STXBP5: variants seen among roughly 807,000 people sequenced by gnomAD.
The protein encoded by STXBP5 is syntaxin-binding protein 5.
STXBP5 carries 50 observed loss-of-function variants against 152.4 expected under a neutral mutation model. The ratio of observed to expected loss-of-function variants is 0.33; its 90% CI spans 0.26 to 0.42. The LOEUF (loss-of-function observed/expected upper bound fraction) is 0.42. STXBP5 is among the 10% of genes least tolerant of loss of function. The pLI is 1.00. For missense variants in STXBP5, 1,167 were observed against 1,388.6 expected, an observed-to-expected ratio of 0.84 and a Z score of 2.54; for synonymous variants, 492 against 494.7, an observed-to-expected ratio of 0.99 and a Z score of 0.07.
At chr6:147,287,194 ATTTTTTTTT>A (rs11370591) in intron 8 of STXBP5, among the ~76,000 whole-genome samples, 6 of 75,260 alleles carry the variant, frequency 8.0e-5, no homozygotes, top group Middle Eastern at 9.3e-3. Flanking sequence ...TTAATTGTAC[ATTTTTTTTT>A]TTTTTTTTTT....
At position 147,363,435 on chromosome 6, in the gene STXBP5, T is replaced by A. The variant is rs751343098; in HGVS notation, c.2646T>A (p.Asn882Lys). 6.2e-7 allele frequency: 1 copy of A among 1,614,006 alleles called. No homozygotes were observed. The highest frequency in any genetic ancestry group is 1.3e-5 in the African/African-American group (1 of 74,904). The change falls in exon 24 of 28, where the codon AAT becomes AAA. Residue 882 changes from asparagine to lysine, a missense_variant. Physicochemically the swap from Asn to Lys is moderately conservative, Grantham distance 94. Coordinates refer to ENST00000321680, the MANE Select transcript of STXBP5 (RefSeq NM_001127715.4). ...CGTATGAACCCTGGAGAGAGCACAA[T>A]GTTCCTGAAGAAAAAGACGAAAAGG... is the stretch of plus-strand genomic sequence containing the variant. ...PPAYEPWREHNVPEEKDEKEK... is the reference protein window; with the variant it reads ...PPAYEPWREHKVPEEKDEKEK...
intron 2 of STXBP5, among the ~76,000 whole-genome samples, chr6:147,218,321 G>A (rs1303595090): frequency 6.6e-6 from 1 of 152,022 alleles, no homozygotes; most frequent in South Asian, 2.1e-4. Flanking sequence ...GCAGAGTTTT[G>A]TGCTGTTCTT....
chr6:147,292,464 G>T, intron 9 of STXBP5: 1 of 241,516 alleles, frequency 4.1e-6, no homozygotes, highest in Non-Finnish European at 8.2e-6. Flanking sequence ...AGATGATAAT[G>T]TATGTAAAAC....
At chr6:147,218,762 T>C (rs549827037) in intron 2 of STXBP5, among the ~76,000 whole-genome samples, 2 of 152,362 alleles carry the variant, frequency 1.3e-5, no homozygotes, top group East Asian at 3.9e-4. Flanking sequence ...CATAAGCCAC[T>C]GTGCCTGGGT....
At chr6:147,275,325 C>T (rs972182234) in intron 7 of STXBP5, among the ~76,000 whole-genome samples, 1 of 151,968 alleles carries the variant, frequency 6.6e-6, no homozygotes, top group Non-Finnish European at 1.5e-5. Flanking sequence ...GAATTGCATG[C>T]ACTGTTGCTT....
intron 2 of STXBP5, among the ~76,000 whole-genome samples, chr6:147,225,724 C>T (rs774502205): frequency 7.9e-5 from 12 of 152,128 alleles, no homozygotes; most frequent in Non-Finnish European, 1.5e-4. Flanking sequence ...TCACTGACTG[C>T]GGGCCCATGG....
At chr6:147,330,013 G>A (rs1783489330) in intron 18 of STXBP5, among the ~76,000 whole-genome samples, 1 of 152,034 alleles carries the variant, frequency 6.6e-6, no homozygotes, top group South Asian at 2.1e-4. Flanking sequence ...AAAGAATGTA[G>A]TTCACATGAA....
At chr6:147,302,665 A>G (rs1047688151) in intron 9 of STXBP5, among the ~76,000 whole-genome samples, 1 of 152,030 alleles carries the variant, frequency 6.6e-6, no homozygotes, top group South Asian at 2.1e-4. Flanking sequence ...AAATGGAGAA[A>G]TTAGCCAGGC....
chr6:147,273,764 A>G (rs1013942904), intron 7 of STXBP5, among the ~76,000 whole-genome samples: 1 of 152,092 alleles, frequency 6.6e-6, no homozygotes, highest in Admixed American at 6.5e-5. Flanking sequence ...ATCCTGGGTA[A>G]CAGGGTGAAA....
At chr6:147,277,971 AC>A (rs1169184765) in intron 7 of STXBP5, 109 bp from the exon 8 acceptor site, 1 of 972,086 alleles carries the variant, frequency 1.0e-6, no homozygotes, top group African/African-American at 1.7e-5. Context: ...TCACATGTTA[AC>A]CTTAGGAAAT....
rs150061225 is a variant in STXBP5 at position 147,255,580 on chromosome 6, A to G, written c.432-5035A>G. On this transcript the variant is annotated intron_variant, in intron 4 of 27. Coordinates refer to ENST00000321680, the MANE Select transcript of STXBP5 (RefSeq NM_001127715.4). ...TGCAGTCATGGCTCACTGCTCAAGC[A>G]ATTTCCCAGGCTCAAGCAGTCCTCC... 2.9e-4 allele frequency among the ~76,000 whole-genome samples: 44 copies of G among 152,248 alleles called. No individual in the cohort carries two copies. In the East Asian group the frequency reaches 8.1e-3, roughly 28 times the overall value.
chr6:147,281,420 T>G (rs1272179725), intron 8 of STXBP5, among the ~76,000 whole-genome samples: 1 of 152,186 alleles, frequency 6.6e-6, no homozygotes, highest in African/African-American at 2.4e-5. Flanking sequence ...AACAAGGGTA[T>G]CATCTATTCC....
chr6:147,206,316 A>G (rs1002679238), intron 2 of STXBP5, among the ~76,000 whole-genome samples: 8 of 152,172 alleles, frequency 5.3e-5, no homozygotes, highest in African/African-American at 1.9e-4. Context: ...TTTTATGATA[A>G]CTATTTTATT....
intron 2 of STXBP5, among the ~76,000 whole-genome samples, chr6:147,219,799 GTTT>G (rs35444906): frequency 2.3e-5 from 2 of 86,102 alleles, no homozygotes; most frequent in Non-Finnish European, 4.6e-5. Flanking sequence ...CTAGAAGCTT[GTTT>G]TTTTTTTTTT....
intron 2 of STXBP5, among the ~76,000 whole-genome samples, chr6:147,232,354 A>G (rs1470444106): frequency 6.6e-6 from 1 of 151,846 alleles, no homozygotes; most frequent in Admixed American, 6.6e-5. Context: ...GAATTCTGAT[A>G]AACTACCAGG....
intron 9 of STXBP5, among the ~76,000 whole-genome samples, chr6:147,304,150 A>G (rs1297706014): frequency 6.6e-6 from 1 of 152,192 alleles, no homozygotes; most frequent in Non-Finnish European, 1.5e-5. Flanking sequence ...AAACCTTCAC[A>G]GCAGTCCCTT....
At chr6:147,328,406 A>G (rs1425864226) in intron 18 of STXBP5, among the ~76,000 whole-genome samples, 1 of 152,224 alleles carries the variant, frequency 6.6e-6, no homozygotes, top group African/African-American at 2.4e-5. Context: ...TTCCTAACTC[A>G]GTCCCCTCTG....
Position 147,260,693 on chromosome 6 carries a change from T to C in STXBP5, c.510T>C (p.Asn170=), listed in dbSNP as rs1337240642. ...GTERGNIHIV[N]VESFTLSGYV... ...AACGAGGTAATATACATATTGTCAA[T>C]GTGGAGTCCTTCACACTCTCAGGCT... Residue 170 remains asparagine, a synonymous_variant, in exon 5 of 28, where the codon AAT becomes AAC. Transcript: ENST00000321680. 6.2e-7 allele frequency: 1 copy of C among 1,613,756 alleles called. No individual in the cohort carries two copies. Among genetic ancestry groups the C allele is most frequent in the Non-Finnish European group, 8.5e-7 (1 of 1,179,744 alleles).
chr6:147,279,695 T>C (rs755576311), intron 8 of STXBP5, among the ~76,000 whole-genome samples: 9 of 152,216 alleles, frequency 5.9e-5, no homozygotes, highest in Non-Finnish European at 1.2e-4. Context: ...ATATTTCTTA[T>C]GATAGTAGGT....
Sources: gnomAD v4.1 joint callset for allele counts (sites outside exome capture counted in the v4.1 genomes callset) on GRCh38, gnomAD v4.1.1 for gene constraint, MANE v1.5 for transcripts, NCBI Gene and HGNC (gene_info 2026-07-23, HGNC 2026-07-21) for gene names.